The following MYO7A variants were observed in gnomAD, a reference collection of about 807,000 sequenced individuals.
The protein encoded by MYO7A is unconventional myosin-VIIa.
In MYO7A, 210 loss-of-function variants were observed where a neutral mutation model predicts 263.8. That is an observed-to-expected ratio of 0.80 (90% CI 0.71 to 0.89). The LOEUF (loss-of-function observed/expected upper bound fraction) is 0.89, where lower values mean the gene tolerates loss of function less well. MYO7A is among the 40% of genes least tolerant of loss of function. MYO7A has a pLI of 0.00. For synonymous variants in MYO7A, 1,239 were observed against 1,197.3 expected, an observed-to-expected ratio of 1.03 and a Z score of -0.72; for missense variants, 2,820 against 2,968.3, an observed-to-expected ratio of 0.95 and a Z score of 1.16.
rs1952523797 is a variant in MYO7A at position 77,156,932 on chromosome 11, C to T, written c.663C>T (p.Phe221=). The T allele has an allele frequency of 6.2e-7, 1 of 1,613,920 alleles. No individual in the cohort carries two copies. Among genetic ancestry groups the T allele is most frequent in the Admixed American group, 1.7e-5 (1 of 60,014 alleles). The change falls in exon 7 of 49, where the codon TTC becomes TTT. Residue 221 remains phenylalanine (F), a synonymous_variant. Coordinates refer to ENST00000409709, the MANE Select transcript of MYO7A (RefSeq NM_000260.4). ...TCGGAAAGTACATCGACATCCACTT[C>T]AACAAGCGGGGCGCCATCGAGGGCG... is the stretch of plus-strand genomic sequence containing the variant. ...SRFGKYIDIH[F]NKRGAIEGAK...
intron 23 of MYO7A, 93 bp downstream of exon 23, chr11:77,181,682 A>G: frequency 1.6e-6 from 2 of 1,245,532 alleles, no homozygotes; most frequent in South Asian, 1.4e-5. Flanking sequence ...AAGCCCACCC[A>G]GTCCCTCTGA....
chr11:77,191,187 G>T (rs543376517), intron 30 of MYO7A: 171 of 211,342 alleles, frequency 8.1e-4, no homozygotes, highest in African/African-American at 3.8e-3. Context: ...GAGCACGGTG[G>T]CGCACGCCTG....
chr11:77,206,479 G>A (rs1217439088), intron 41 of MYO7A, among the ~76,000 whole-genome samples: 2 of 152,184 alleles, frequency 1.3e-5, no homozygotes, highest in African/African-American at 2.4e-5. Context: ...GGAGAAAAGC[G>A]CTTCTCCCTC....
At chr11:77,180,262 T>TCTGCCAAATTATTAGG in intron 21 of MYO7A, 112 bp from the exon 22 acceptor site, 1 of 900,836 alleles carries the variant, frequency 1.1e-6, no homozygotes, top group Non-Finnish European at 1.8e-6. Flanking sequence ...ACTTGTCCTA[T>TCTGCCAAATTATTAGG]CAAAGTCATG....
At position 77,160,194 on chromosome 11, in the gene MYO7A, C is replaced by G. The variant is rs781968254; in HGVS notation, c.1112C>G (p.Thr371Ser). ...CCCCCAGACCTGATGAGCTGCCTGA[C>G]TAGCCGCACCCTCATCACCCGCGGG... ...VNPPDLMSCL[T>S]SRTLITRGET... Residue 371 changes from threonine (T) to serine (S), a missense_variant, in exon 11 of 49, where the codon ACT (threonine) becomes AGT (serine). Physicochemically the swap from Thr to Ser is moderately conservative, Grantham distance 58 (BLOSUM62 1). Coordinates refer to ENST00000409709, the MANE Select transcript of MYO7A (RefSeq NM_000260.4). 6.4e-7 allele frequency: 1 copy of G among 1,572,444 alleles called. No homozygotes were observed. The highest frequency in any genetic ancestry group is 2.4e-5 in the East Asian group (1 of 42,052).
At chr11:77,177,929 G>C (rs1341170626) in intron 19 of MYO7A, among the ~76,000 whole-genome samples, 2 of 152,100 alleles carry the variant, frequency 1.3e-5, no homozygotes, top group African/African-American at 4.8e-5. Flanking sequence ...TGGACCCACT[G>C]TTCATGTCAG....
rs1449008467 is a variant in MYO7A at position 77,213,548 on chromosome 11, GTCT to G, written c.6439-304_6439-302del. Among the ~76,000 whole-genome samples, 9 of 152,208 alleles carry G rather than the reference GTCT, an allele frequency of 5.9e-5. No homozygotes were observed. The South Asian group carries it at 6.2e-4, about 11-fold the overall frequency. On this transcript the variant is annotated intron_variant, in intron 47 of 48. Coordinates refer to ENST00000409709, the MANE Select transcript of MYO7A (RefSeq NM_000260.4). ...ACCGTGTTTCCCAAGGTTCTGCCCT[GTCT>G]TCTTCTTGGCTCCCTCCTCAAACTC...
chr11:77,179,776 C>T lies in MYO7A; in HGVS notation c.2409C>T (p.Ser803=). The part of the protein sequence containing the change: ...GFLRLQALHR[S]RKLHQQYRLA... Reference sequence around the variant, plus strand: ...TGCGGCTGCAGGCCCTGCACCGCTCCCGGAAGCTGCACCAGCAGTACCGCC... The same window carrying T: ...TGCGGCTGCAGGCCCTGCACCGCTCTCGGAAGCTGCACCAGCAGTACCGCC... Residue 803 remains serine (S), a synonymous_variant, in exon 21 of 49, where the codon TCC becomes TCT. Transcript: ENST00000409709. 6.4e-7 allele frequency: 1 copy of T among 1,551,478 alleles called. No individual in the cohort carries two copies. Among genetic ancestry groups the T allele is most frequent in the Non-Finnish European group, 8.7e-7 (1 of 1,149,976 alleles).
chr11:77,204,437 C>T (rs1264731133), intron 39 of MYO7A, among the ~76,000 whole-genome samples: 1 of 152,204 alleles, frequency 6.6e-6, no homozygotes, highest in East Asian at 1.9e-4. Flanking sequence ...GGATGTCTTC[C>T]TTTGAGTCTG....
In MYO7A at chr11:77,190,743, A is replaced by G. The variant is rs781670345; in HGVS notation, c.3797A>G (p.Asp1266Gly). ...ATCATGTTGCCCGTGACATTCATGG[A>G]TGGGACCACCAAGACCCTGCTGACG... ...KPIMLPVTFM[D>G]GTTKTLLTDS... The change falls in exon 30 of 49, where the codon GAT becomes GGT. Residue 1266 changes from aspartate to glycine, a missense_variant. By Grantham distance (94) the Asp-to-Gly change is moderately conservative. Transcript: ENST00000409709. The G allele has an allele frequency of 5.0e-6, 8 of 1,599,666 alleles. No individual in the cohort carries two copies. In the African/African-American group the frequency reaches 9.4e-5, roughly 19 times the overall value.
In MYO7A at chr11:77,179,890, C is replaced by T. The variant is rs988933838; in HGVS notation, c.2523C>T (p.Leu841=). 1.0e-5 allele frequency: 16 copies of T among 1,540,274 alleles called. No homozygotes were observed. The highest frequency in any genetic ancestry group is 2.4e-5 in the East Asian group (1 of 40,914). Residue 841 remains leucine (L), a synonymous_variant, in exon 21 of 49, where the codon CTC becomes CTT. Coordinates refer to ENST00000409709, the MANE Select transcript of MYO7A (RefSeq NM_000260.4). ...TCCGCCACCGCCTCTGGGCTGTGCTCACCGTGCAGGCCTATGCCCGGGGCA... is the reference window on the plus strand; with the variant it reads ...TCCGCCACCGCCTCTGGGCTGTGCTTACCGTGCAGGCCTATGCCCGGGGCA... ...KAFRHRLWAV[L]TVQAYARGMI... is the part of the protein sequence containing the mutation.
intron 16 of MYO7A, among the ~76,000 whole-genome samples, chr11:77,173,113 C>G (rs1377893353): frequency 6.6e-6 from 1 of 152,226 alleles, no homozygotes; most frequent in East Asian, 1.9e-4. Context: ...GATCCTGCCT[C>G]TACCATGTAC....
At chr11:77,161,943 G>A (rs144005243) in intron 12 of MYO7A, among the ~76,000 whole-genome samples, 177 bp from the exon 13 acceptor site, 4 of 152,316 alleles carry the variant, frequency 2.6e-5, no homozygotes, top group Non-Finnish European at 5.9e-5. Context: ...CTGGGCCTCC[G>A]TGTCCTCCTC....
rs1591496458 is a variant in MYO7A at position 77,208,766 on chromosome 11, A to G, written c.6014A>G (p.Lys2005Arg). Residue 2005 changes from lysine to arginine, a missense_variant, in exon 44 of 49, where the codon AAG (lysine) becomes AGG (arginine). By Grantham distance (26) the Lys-to-Arg change is conservative. Transcript: ENST00000409709. ...KKLWTTTVPG[K>R]DPMADSIFHY... ...CTGTGGACCACCACGGTGCCAGGGA[A>G]GGATCCCATGGCCGATTCCATCTTC... The G allele has an allele frequency of 6.3e-7, 1 of 1,578,742 alleles. No individual in the cohort carries two copies. Among genetic ancestry groups the G allele is most frequent in the East Asian group, 2.3e-5 (1 of 42,886 alleles).
At chr11:77,175,035 A>C (rs1373694859) in intron 17 of MYO7A, 121 bp downstream of exon 17, 1 of 1,294,218 alleles carries the variant, frequency 7.7e-7, no homozygotes, top group Admixed American at 2.3e-5. Context: ...TCTCAGGTGC[A>C]GCACGGAAAA....
chr11:77,208,352 C>A, intron 42 of MYO7A, 78 bp from the exon 43 acceptor site: 1 of 1,131,234 alleles, frequency 8.8e-7, no homozygotes, highest in Non-Finnish European at 1.3e-6. Flanking sequence ...GGAGCAGCTG[C>A]CAGACAGGCC....
intron 4 of MYO7A, among the ~76,000 whole-genome samples, chr11:77,148,863 T>C (rs1951769679): frequency 6.6e-6 from 1 of 152,230 alleles, no homozygotes; most frequent in African/African-American, 2.4e-5. Flanking sequence ...TTTTCAAATC[T>C]CTTTAATGTC....
rs1271005667 is a variant in MYO7A, at chr11:77,194,491, G to T, written c.4290G>T (p.Lys1430Asn). The change falls in exon 32 of 49, where the codon AAG (lysine) becomes AAT (asparagine). Residue 1430 changes from lysine (K) to asparagine (N), a missense_variant. Lys to Asn is a moderately conservative substitution (Grantham distance 94). Coordinates refer to ENST00000409709, the MANE Select transcript of MYO7A (RefSeq NM_000260.4). ...REITPLKTLE[K>N]WAQLAIAAHK... is the part of the protein sequence containing the mutation. Reference sequence around the variant, plus strand: ...TCACGCCCCTGAAGACGCTGGAGAAGTGGGCCCAGCTGGCCATCGCCGCCC... The same window carrying T: ...TCACGCCCCTGAAGACGCTGGAGAATTGGGCCCAGCTGGCCATCGCCGCCC... 6.2e-6 allele frequency: 10 copies of T among 1,607,572 alleles called. No individual in the cohort carries two copies. Among genetic ancestry groups the T allele is most frequent in the Non-Finnish European group, 6.8e-6 (8 of 1,177,186 alleles).
chr11:77,170,563 G>T (rs1175963196), intron 15 of MYO7A, among the ~76,000 whole-genome samples: 1 of 152,218 alleles, frequency 6.6e-6, no homozygotes, highest in East Asian at 1.9e-4. Flanking sequence ...GGACTGCTGT[G>T]TTGAGAGTGT....
Sources: gnomAD v4.1 joint callset for allele counts (sites outside exome capture counted in the v4.1 genomes callset) on GRCh38, gnomAD v4.1.1 for gene constraint, MANE v1.5 for transcripts, NCBI Gene and HGNC (gene_info 2026-07-23, HGNC 2026-07-21) for gene names.